Variants in MAP4K3 observed in about 807,000 individuals in gnomAD.
The protein encoded by MAP4K3 is MAPK/ERK kinase kinase kinase 3.
MAP4K3 carries 94 observed loss-of-function variants against 143.5 expected under a neutral mutation model. The ratio of observed to expected loss-of-function variants is 0.65; its 90% CI spans 0.55 to 0.78. The LOEUF (loss-of-function observed/expected upper bound fraction) is 0.78. MAP4K3 is among the 30% of genes least tolerant of loss of function. The pLI is 0.00. For synonymous variants in MAP4K3, 416 were observed against 347.2 expected, an observed-to-expected ratio of 1.20 and a Z score of -2.20; for missense variants, 1,077 against 1,068.1, an observed-to-expected ratio of 1.01 and a Z score of -0.12.
chr2:39,352,875 T>C (rs988472454), intron 3 of MAP4K3, among the ~76,000 whole-genome samples: 1 of 152,210 alleles, frequency 6.6e-6, no homozygotes, highest in Admixed American at 6.5e-5. Flanking sequence ...CTTAACTTTT[T>C]GTCTAAATTT....
At chr2:39,377,969 G>GA in intron 2 of MAP4K3, 97 bp downstream of exon 2, 1 of 770,046 alleles carries the variant, frequency 1.3e-6, no homozygotes, top group South Asian at 1.6e-5. Context: ...AGATGTTGGG[G>GA]AAAACAAGAG....
intron 11 of MAP4K3, 34 bp downstream of exon 11, chr2:39,325,696 A>AATAT (rs145349830): frequency 8.5e-6 from 13 of 1,538,120 alleles, no homozygotes; most frequent in Middle Eastern, 1.9e-4. Context: ...TATCTTTTGA[A>AATAT]ATATATATAT....
intron 26 of MAP4K3, among the ~76,000 whole-genome samples, chr2:39,268,632 C>CTGTTTT (rs1389888924): frequency 2.2e-5 from 1 of 45,736 alleles, no homozygotes; most frequent in African/African-American, 5.6e-5. Flanking sequence ...AAGATTTTTT[C>CTGTTTT]TATTTTTTTT....
At chr2:39,393,848 A>G (rs6544224) in intron 1 of MAP4K3, among the ~76,000 whole-genome samples, 133,871 of 152,092 alleles carry the variant, frequency 0.88, 59,194 homozygotes, top group Non-Finnish European at 0.92. Flanking sequence ...TGGGTTTCAC[A>G]TTACACAAAT....
chr2:39,345,949 G>C (rs201004357), intron 3 of MAP4K3, among the ~76,000 whole-genome samples: 1 of 105,474 alleles, frequency 9.5e-6, no homozygotes, highest in Admixed American at 9.8e-5. Context: ...AAAAAAAAAA[G>C]AGTGAAGCCC....
intron 3 of MAP4K3, among the ~76,000 whole-genome samples, chr2:39,353,432 AATAAT>A (rs570022825): frequency 2.8e-3 from 422 of 152,316 alleles, no homozygotes; most frequent in Admixed American, 5.6e-3. Context: ...TACAGAATAA[AATAAT>A]ATATTTAAAT....
At chr2:39,267,679 C>CAA (rs57082856) in intron 26 of MAP4K3, among the ~76,000 whole-genome samples, 9 of 130,572 alleles carry the variant, frequency 6.9e-5, no homozygotes, top group Admixed American at 5.3e-4. Flanking sequence ...ACTCGGTCTC[C>CAA]AAAAAAAAAA....
At chr2:39,308,485 A>G (rs544100881) in intron 14 of MAP4K3, among the ~76,000 whole-genome samples, 1 of 152,328 alleles carries the variant, frequency 6.6e-6, no homozygotes, top group South Asian at 2.1e-4. Context: ...GTGAGTTAAA[A>G]TAAGCATTAA....
chr2:39,332,071 G>T (rs1222292742), intron 7 of MAP4K3, 82 bp from the exon 8 acceptor site: 1 of 711,354 alleles, frequency 1.4e-6, no homozygotes, highest in Non-Finnish European at 2.3e-6. Context: ...ACTTTTAAAA[G>T]TTATTTTTAT....
At position 39,288,271 on chromosome 2, in the gene MAP4K3, T is replaced by C. The variant is rs144704381; in HGVS notation, c.1324A>G (p.Ile442Val). Residue 442 changes from isoleucine to valine, a missense_variant, in exon 20 of 34, where the codon ATC (isoleucine) becomes GTC (valine). Coordinates refer to ENST00000263881, the MANE Select transcript of MAP4K3 (RefSeq NM_003618.4). ...PPPLPPKPKSIFIPQEMHSTE... is the reference protein window; with the variant it reads ...PPPLPPKPKSVFIPQEMHSTE... ...GAATGCATTTCCTGTGGTATGAAGA[T>C]AGACTTAGGCTGAAATAATATAGAA... is the stretch of plus-strand genomic sequence containing the variant. 7.3e-5 allele frequency: 118 copies of C among 1,613,694 alleles called. No individual in the cohort carries two copies. Among genetic ancestry groups the C allele is most frequent in the African/African-American group, 9.3e-5 (7 of 74,922 alleles).
At chr2:39,349,860 A>G (rs575890876) in intron 3 of MAP4K3, among the ~76,000 whole-genome samples, 1 of 152,320 alleles carries the variant, frequency 6.6e-6, no homozygotes, top group South Asian at 2.1e-4. Flanking sequence ...TTTTTTACAA[A>G]ATACATATTT....
intron 1 of MAP4K3, among the ~76,000 whole-genome samples, chr2:39,381,000 C>G (rs1049723566): frequency 6.6e-6 from 1 of 152,184 alleles, no homozygotes; most frequent in Non-Finnish European, 1.5e-5. Context: ...TCCCTGGCAA[C>G]CACTAATCTA....
intron 2 of MAP4K3, among the ~76,000 whole-genome samples, chr2:39,368,297 G>A (rs997704926): frequency 6.6e-6 from 1 of 151,342 alleles, no homozygotes; most frequent in East Asian, 1.9e-4. Context: ...TAGATTTTAA[G>A]GGAAGTGAAG....
At chr2:39,422,840 C>T (rs768679451) in intron 1 of MAP4K3, among the ~76,000 whole-genome samples, 2 of 151,964 alleles carry the variant, frequency 1.3e-5, no homozygotes, top group Non-Finnish European at 2.9e-5. Context: ...AGATAACATA[C>T]AAGAAAATCT....
intron 3 of MAP4K3, among the ~76,000 whole-genome samples, chr2:39,353,072 GTA>G: frequency 6.6e-6 from 1 of 152,160 alleles, no homozygotes; most frequent in Non-Finnish European, 1.5e-5. Flanking sequence ...AAGCAATACA[GTA>G]TGCCAAAAAA....
At chr2:39,304,902 A>G (rs1032805079) in intron 15 of MAP4K3, among the ~76,000 whole-genome samples, 2 of 152,230 alleles carry the variant, frequency 1.3e-5, no homozygotes, top group Non-Finnish European at 2.9e-5. Flanking sequence ...CACACGCTGC[A>G]ACACGGAGGA....
intron 2 of MAP4K3, among the ~76,000 whole-genome samples, chr2:39,370,524 G>A (rs1573209294): frequency 6.6e-6 from 1 of 152,188 alleles, no homozygotes; most frequent in Non-Finnish European, 1.5e-5. Flanking sequence ...AGGCTGGCAG[G>A]AGAGAATATT....
intron 13 of MAP4K3, among the ~76,000 whole-genome samples, chr2:39,310,029 T>C (rs1558638603): frequency 6.6e-6 from 1 of 152,312 alleles, no homozygotes; most frequent in African/African-American, 2.4e-5. Flanking sequence ...TATGCGATAT[T>C]TTGATACACG....
rs747296551 is a variant in MAP4K3, at chr2:39,282,532, G to T, written c.1610C>A (p.Pro537His). ...ACTTACATGCACTTTAGGTGTTGGA[G>T]GAAGACCATTACTAATAGGCTTCTA... is the stretch of plus-strand genomic sequence containing the variant. ...DVPKPISNGL[P>H]PTPKVHMGAC... is the part of the protein sequence containing the mutation. The change falls in exon 22 of 34, where the codon CCT (proline) becomes CAT (histidine). Residue 537 changes from proline (P) to histidine (H), a missense_variant. Around this residue, in one of 2 missense-constraint regions of MAP4K3, gnomAD observed 864 missense variants for 801.2 expected, o/e 1.08. Transcript: ENST00000263881. 3 of 1,611,406 alleles carry T rather than the reference G, an allele frequency of 1.9e-6. No homozygotes were observed. Among genetic ancestry groups the T allele is most frequent in the Non-Finnish European group, 2.5e-6 (3 of 1,178,644 alleles).
Sources: allele counts gnomAD v4.1 joint callset (sites outside exome capture counted in the v4.1 genomes callset), GRCh38; gene constraint gnomAD v4.1.1; regional missense constraint gnomAD v4.1.1; transcripts MANE v1.5; gene names NCBI Gene and HGNC (gene_info 2026-07-23, HGNC 2026-07-21).